The following TMA16 variants were observed in gnomAD, a reference collection of about 807,000 sequenced individuals.
TMA16 encodes the protein translation machinery associated 16 homolog.
A neutral mutation model predicts 27.1 loss-of-function variants in TMA16; 26 were observed. That is an observed-to-expected ratio of 0.96 (90% CI 0.70 to 1.33). TMA16 has a LOEUF of 1.33. Among genes scored for constraint, TMA16 ranks in the 40% most tolerant of loss-of-function variants. The probability of loss-of-function intolerance (pLI) is 0.00; values close to 1 mark genes in which losing one functional copy is unlikely to be tolerated. For missense variants in TMA16, 233 were observed against 241.4 expected (o/e 0.97, Z 0.23); for synonymous variants, 71 against 81.9 (o/e 0.87, Z 0.72).
chr4:163,512,898 T>G, intron 3 of TMA16, 39 bp downstream of exon 3: 1 of 1,546,502 alleles, frequency 6.5e-7, no homozygotes, highest in Admixed American at 1.8e-5. Flanking sequence ...GGCTAGAGTA[T>G]AGGGCATTTC....
rs748582874 is a variant in TMA16, at chr4:163,495,172, C to G, written c.3+368C>G. 3.3e-5 allele frequency among the ~76,000 whole-genome samples: 5 copies of G among 152,216 alleles called. 1 individual carries two copies. In the South Asian group the frequency reaches 1.0e-3, roughly 32 times the overall value. On this transcript the variant is annotated intron_variant, in intron 1 of 6. Transcript: ENST00000358572. The stretch of plus-strand genomic sequence containing the variant: ...GCTGGCCCTACACACCTCTGCCTCT[C>G]TGGCCTGGGTAGACTCAGTATGTGG...
intron 1 of TMA16, among the ~76,000 whole-genome samples, chr4:163,499,870 C>G (rs1340957520): frequency 6.6e-6 from 1 of 152,170 alleles, no homozygotes; most frequent in Non-Finnish European, 1.5e-5. Context: ...TAATGCTAAT[C>G]TAAAACTTGA....
chr4:163,512,560 A>C (rs1388852406), intron 2 of TMA16: 1 of 314,318 alleles, frequency 3.2e-6, no homozygotes, highest in East Asian at 5.2e-5. Flanking sequence ...AAAAGCTTTC[A>C]GTTGTGTTTT....
intron 1 of TMA16, 25 bp downstream of exon 1, chr4:163,494,829 A>G (rs554442301): frequency 9.9e-6 from 16 of 1,610,700 alleles, no homozygotes; most frequent in African/African-American, 1.3e-5. Context: ...GCTCCCCCGA[A>G]CCGCTCGGTT....
rs1737947624 is a variant in TMA16 at position 163,520,037 on chromosome 4, T to TACA, written c.*523_*524insACA. 1.6e-6 allele frequency: 1 copy of TACA among 608,644 alleles called. No homozygotes were observed. The highest frequency in any genetic ancestry group is 1.9e-5 in the African/African-American group (1 of 53,846). The allele number at this position is 608,644 out of a possible 1,614,324, so 37.7% of individuals were successfully genotyped here. ...TACATTTCTGGATTATAGATTATTA[T>TACA]TTATCTTTTGAACCAGAGCTAAATG... On this transcript the variant is annotated 3_prime_UTR_variant, in exon 7 of 7. Transcript: ENST00000358572.
chr4:163,514,749 C>T (rs1737850493), intron 4 of TMA16, among the ~76,000 whole-genome samples: 2 of 152,142 alleles, frequency 1.3e-5, no homozygotes, highest in African/African-American at 4.8e-5. Context: ...TGACTCTGGT[C>T]AGGAAACCGT....
chr4:163,508,844 T>C (rs944077044), intron 2 of TMA16, among the ~76,000 whole-genome samples: 3 of 152,206 alleles, frequency 2.0e-5, no homozygotes, highest in African/African-American at 7.2e-5. Context: ...GTGTATTGAT[T>C]TACAGAATTA....
chr4:163,514,273 C>G (rs1433096985), intron 4 of TMA16, 115 bp downstream of exon 4: 1 of 799,052 alleles, frequency 1.3e-6, no homozygotes, highest in Non-Finnish European at 1.9e-6. Context: ...GCTTTGTTAT[C>G]AGGAAGACTA....
At chr4:163,514,233 T>C in intron 4 of TMA16, 75 bp downstream of exon 4, 1 of 1,206,256 alleles carries the variant, frequency 8.3e-7, no homozygotes, top group Non-Finnish European at 1.1e-6. Flanking sequence ...GACACAGAGC[T>C]CTGTTACGGA....
chr4:163,507,006 T>C (rs1015354477), intron 1 of TMA16, 27 bp from the exon 2 acceptor site: 2 of 1,544,702 alleles, frequency 1.3e-6, no homozygotes, highest in African/African-American at 2.8e-5. Flanking sequence ...TCTGACTATA[T>C]GTGTCATGTG....
intron 1 of TMA16, among the ~76,000 whole-genome samples, chr4:163,499,922 G>T (rs1398331808): frequency 1.3e-5 from 2 of 152,072 alleles, no homozygotes; most frequent in Non-Finnish European, 2.9e-5. Context: ...GCTCAGCTAA[G>T]CCTTTGTGAC....
At chr4:163,510,693 T>G (rs1450314542) in intron 2 of TMA16, among the ~76,000 whole-genome samples, 1 of 152,238 alleles carries the variant, frequency 6.6e-6, no homozygotes, top group East Asian at 1.9e-4. Flanking sequence ...TTGGCTGTTA[T>G]CAGAGGTCGG....
chr4:163,505,526 T>C (rs1737707784), intron 1 of TMA16, among the ~76,000 whole-genome samples: 2 of 152,192 alleles, frequency 1.3e-5, no homozygotes. Flanking sequence ...CTGCATCTTA[T>C]CAAAGGGCAA....
chr4:163,504,564 C>T (rs542916542), intron 1 of TMA16, among the ~76,000 whole-genome samples: 3 of 152,212 alleles, frequency 2.0e-5, no homozygotes, highest in South Asian at 4.1e-4. Flanking sequence ...GTGGTGCCAT[C>T]TATGCTCGCT....
In TMA16 at chr4:163,507,044, A is replaced by G. The variant is rs908105328; in HGVS notation, c.15A>G (p.Pro5=). ...TTCATACATTTTAGCCCAAAGCACC[A>G]AAGGGAAAAAGTGCAGGACGGGAAA... MPKA[P]KGKSAGREKK... is the part of the protein sequence containing the mutation. The change falls in exon 2 of 7, where the codon CCA becomes CCG. Residue 5 remains proline (P), a synonymous_variant. Coordinates refer to ENST00000358572, the MANE Select transcript of TMA16 (RefSeq NM_018352.3). 5.7e-6 allele frequency: 9 copies of G among 1,588,128 alleles called. No homozygotes were observed. Among genetic ancestry groups the G allele is most frequent in the Non-Finnish European group, 7.7e-6 (9 of 1,166,536 alleles).
Position 163,519,695 on chromosome 4 carries a change from TTTCCA to T in TMA16, c.*184_*188del. ...ATTTTAAAATGAAGATTGCTTTTCATTTCCATTAAGTTGCTAAAATAGATAGATGT... is the reference window on the plus strand; with the variant it reads ...ATTTTAAAATGAAGATTGCTTTTCATTTAAGTTGCTAAAATAGATAGATGT... On this transcript the variant is annotated 3_prime_UTR_variant, in exon 7 of 7. Coordinates refer to ENST00000358572, the MANE Select transcript of TMA16 (RefSeq NM_018352.3). 1 of 632,636 alleles carries T rather than the reference TTTCCA, an allele frequency of 1.6e-6. No individual in the cohort carries two copies. Among genetic ancestry groups the T allele is most frequent in the Non-Finnish European group, 2.6e-6 (1 of 387,884 alleles). The allele number at this position is 632,636 out of a possible 1,614,324, so 39.2% of individuals were successfully genotyped here. A position where few individuals can be genotyped will look rare whatever the true frequency, so the allele number is the denominator to read the frequency against.
In TMA16 at chr4:163,512,878, T is replaced by G; in HGVS notation, c.154+19T>G. The stretch of plus-strand genomic sequence containing the variant: ...CTTGTTGGTAAGTGGGTTTACTTAT[T>G]TGAAACTCTGGCTAGAGTATAGGGC... On this transcript the variant is annotated intron_variant, in intron 3 of 6. Coordinates refer to ENST00000358572, the MANE Select transcript of TMA16 (RefSeq NM_018352.3). The G allele has an allele frequency of 6.2e-7, 1 of 1,600,436 alleles. No homozygotes were observed. Among genetic ancestry groups the G allele is most frequent in the Non-Finnish European group, 8.5e-7 (1 of 1,171,008 alleles).
At chr4:163,502,222 G>A (rs1001856777) in intron 1 of TMA16, among the ~76,000 whole-genome samples, 2 of 152,150 alleles carry the variant, frequency 1.3e-5, no homozygotes, top group African/African-American at 2.4e-5. Context: ...CTGCATTAGA[G>A]AATTATTAAG....
intron 6 of TMA16, among the ~76,000 whole-genome samples, chr4:163,517,788 C>T (rs149251358): frequency 6.6e-6 from 1 of 152,170 alleles, no homozygotes; most frequent in African/African-American, 2.4e-5. Context: ...GTAACAGCAA[C>T]AGACGTGATG....
Sources: allele counts gnomAD v4.1 joint callset (sites outside exome capture counted in the v4.1 genomes callset), GRCh38; gene constraint gnomAD v4.1.1; transcripts MANE v1.5; gene names NCBI Gene and HGNC (gene_info 2026-07-23, HGNC 2026-07-21).